Variants in HNF4G observed in about 807,000 individuals in gnomAD.
HNF4G encodes the protein hepatocyte nuclear factor 4-gamma.
Under a neutral mutation model 50.9 loss-of-function variants are expected in HNF4G, and 21 were observed. That is an observed-to-expected ratio of 0.41 (90% CI 0.29 to 0.59). HNF4G has a LOEUF of 0.59. HNF4G is among the 20% of genes least tolerant of loss of function. The probability of loss-of-function intolerance (pLI) is 0.26; values close to 1 mark genes in which losing one functional copy is unlikely to be tolerated. For synonymous variants in HNF4G, 198 were observed against 185.6 expected (o/e 1.07, Z -0.54); for missense variants, 527 against 559.4 (o/e 0.94, Z 0.58).
intron 2 of HNF4G, among the ~76,000 whole-genome samples, chr8:75,511,923 A>G (rs1013709430): frequency 6.6e-6 from 1 of 152,178 alleles, no homozygotes; most frequent in Non-Finnish European, 1.5e-5. Context: ...ATGATTACTA[A>G]GTACCCTAGT....
intron 2 of HNF4G, among the ~76,000 whole-genome samples, chr8:75,495,152 T>C (rs1256101355): frequency 6.6e-6 from 1 of 152,216 alleles, no homozygotes. Flanking sequence ...ACAGACTATG[T>C]TCCTAAAACT....
chr8:75,551,941 G>A lies in HNF4G; in HGVS notation c.489+447G>A, dbSNP rs118104830. 6.9e-3 allele frequency among the ~76,000 whole-genome samples: 1,052 copies of A among 152,134 alleles called. 6 individuals carry two copies. Among genetic ancestry groups the A allele is most frequent in the Middle Eastern group, 0.065 (19 of 294 alleles). On this transcript the variant is annotated intron_variant, in intron 4 of 9. Transcript: ENST00000396423. ...TTGGAAGCAGACATTTAAATGAAGA[G>A]TCAGAATTCAGAAAACACAGAAGAG...
At chr8:75,429,783 A>G (rs188664144) in intron 1 of HNF4G, among the ~76,000 whole-genome samples, 1 of 152,354 alleles carries the variant, frequency 6.6e-6, no homozygotes, top group African/African-American at 2.4e-5. Context: ...TGTTCCAATC[A>G]GAAACCCCAT....
At chr8:75,522,996 C>G (rs1440020397) in intron 2 of HNF4G, among the ~76,000 whole-genome samples, 1 of 151,954 alleles carries the variant, frequency 6.6e-6, no homozygotes, top group East Asian at 1.9e-4. Flanking sequence ...GGAGGTCTAG[C>G]AGGGTGGATC....
intron 1 of HNF4G, among the ~76,000 whole-genome samples, chr8:75,470,054 T>C (rs1812077950): frequency 6.6e-6 from 1 of 152,168 alleles, no homozygotes; most frequent in African/African-American, 2.4e-5. Flanking sequence ...TTTAGATGAT[T>C]CTCTTACTAT....
intron 1 of HNF4G, among the ~76,000 whole-genome samples, chr8:75,486,079 C>T (rs1231426875): frequency 6.6e-6 from 1 of 152,196 alleles, no homozygotes; most frequent in Non-Finnish European, 1.5e-5. Flanking sequence ...CAGTTTTATT[C>T]AGGCCTTAAT....
At position 75,458,029 on chromosome 8, in the gene HNF4G, C is replaced by G. The variant is rs141644042; in HGVS notation, c.-143-32060C>G. Among the ~76,000 whole-genome samples, 559 of 152,116 alleles carry G rather than the reference C, an allele frequency of 3.7e-3. 17 individuals are homozygous for G. Among genetic ancestry groups the G allele is most frequent in the Admixed American group, 0.03 (454 of 15,256 alleles). ...CTCACTATATTGCCCAGGCTGGTCT[C>G]AAACTACTGGGTCCAAGAGATCCTT... On this transcript the variant is annotated intron_variant, in intron 1 of 10. Coordinates refer to the HNF4G transcript ENST00000354370.
chr8:75,488,665 A>G lies in HNF4G; in HGVS notation c.-143-1424A>G, dbSNP rs564392115. Among the ~76,000 whole-genome samples, 3 of 152,280 alleles carry G rather than the reference A, an allele frequency of 2.0e-5. No homozygotes were observed. In the East Asian group the frequency reaches 5.8e-4, roughly 29 times the overall value. On this transcript the variant is annotated intron_variant, in intron 1 of 10. Transcript: ENST00000354370. The stretch of plus-strand genomic sequence containing the variant: ...TAGAGACTTTAGGGATTAATATAGC[A>G]AATTCTTCATTTTACAGATGAGAGA...
intron 1 of HNF4G, among the ~76,000 whole-genome samples, chr8:75,416,975 T>C (rs1396870619): frequency 2.0e-5 from 3 of 152,148 alleles, no homozygotes; most frequent in African/African-American, 7.2e-5. Flanking sequence ...CAGCATAGAG[T>C]CTGGCAAAAG....
chr8:75,515,770 G>GTTT (rs927879400), intron 2 of HNF4G, among the ~76,000 whole-genome samples: 1 of 145,216 alleles, frequency 6.9e-6, no homozygotes, highest in East Asian at 2.0e-4. Flanking sequence ...GGGCCACCAT[G>GTTT]TTTTTTTTTT....
intron 1 of HNF4G, among the ~76,000 whole-genome samples, chr8:75,444,015 G>C (rs1000138275): frequency 6.6e-6 from 1 of 152,100 alleles, no homozygotes; most frequent in East Asian, 1.9e-4. Context: ...AGAAAACCTA[G>C]GGCAGCCAGA....
chr8:75,537,774 T>C (rs926705433), upstream of HNF4G, among the ~76,000 whole-genome samples: 3 of 152,130 alleles, frequency 2.0e-5, no homozygotes, highest in African/African-American at 4.8e-5. Context: ...AAAAATTTAG[T>C]AAAGAACCCC....
intron 2 of HNF4G, among the ~76,000 whole-genome samples, chr8:75,531,250 A>T (rs1806319000): frequency 6.6e-6 from 1 of 152,210 alleles, no homozygotes; most frequent in African/African-American, 2.4e-5. Flanking sequence ...TTCTCTCTTG[A>T]TGAAGAAATG....
In HNF4G at chr8:75,426,607, A is replaced by T. The variant is rs184643644; in HGVS notation, c.-144+18445A>T. ...AAATTATAGCCACTGTTTTAACCTT[A>T]ATAATATTGTTGAGGTGCAGACCAG... On this transcript the variant is annotated intron_variant, in intron 1 of 10. Transcript: ENST00000354370. Among the ~76,000 whole-genome samples, 435 of 152,266 alleles carry T rather than the reference A, an allele frequency of 2.9e-3. 4 individuals are homozygous for T. Among genetic ancestry groups the T allele is most frequent in the Middle Eastern group, 3.4e-3 (1 of 294 alleles).
chr8:75,515,492 A>G (rs2977918), intron 2 of HNF4G, among the ~76,000 whole-genome samples: 17,380 of 152,086 alleles, frequency 0.11, 1,334 homozygotes, highest in African/African-American at 0.22. Context: ...CATGCTATTC[A>G]CATCCACAAA....
chr8:75,486,656 T>C (rs991268842), intron 1 of HNF4G, among the ~76,000 whole-genome samples: 1 of 152,156 alleles, frequency 6.6e-6, no homozygotes, highest in Non-Finnish European at 1.5e-5. Context: ...ACAAAAATTT[T>C]CTATGCTGAA....
At chr8:75,441,043 A>G (rs1394949818) in intron 1 of HNF4G, among the ~76,000 whole-genome samples, 1 of 151,924 alleles carries the variant, frequency 6.6e-6, no homozygotes, top group East Asian at 1.9e-4. Flanking sequence ...TTTTGTAGAG[A>G]TAAGGTTTTG....
chr8:75,440,467 A>T (rs1030746600), intron 1 of HNF4G, among the ~76,000 whole-genome samples: 26 of 152,314 alleles, frequency 1.7e-4, no homozygotes, highest in African/African-American at 6.3e-4. Flanking sequence ...CCATCTATGA[A>T]TTGTTTATGT....
intron 1 of HNF4G, among the ~76,000 whole-genome samples, chr8:75,434,538 G>A (rs1409202386): frequency 2.0e-5 from 3 of 151,470 alleles, no homozygotes; most frequent in East Asian, 1.9e-4. Context: ...AGAAATAGAA[G>A]GAAAGAAGTC....
Sources: allele counts gnomAD v4.1 joint callset (sites outside exome capture counted in the v4.1 genomes callset), GRCh38; gene constraint gnomAD v4.1.1; transcripts MANE v1.5; gene names NCBI Gene and HGNC (gene_info 2026-07-23, HGNC 2026-07-21).